Variants in TMEM140 observed in about 807,000 individuals in gnomAD.
TMEM140 encodes the protein transmembrane protein 140.
For missense variants in TMEM140, 236 were observed against 228.5 expected (o/e 1.03, Z -0.21); for synonymous variants, 107 against 106.8 (o/e 1.00, Z -0.01).
chr7:135,152,144 A>C (rs1829679442), intron 1 of TMEM140, among the ~76,000 whole-genome samples: 1 of 152,248 alleles, frequency 6.6e-6, no homozygotes, highest in Non-Finnish European at 1.5e-5. Flanking sequence ...TATATAATTA[A>C]AGCCATTTTA....
chr7:135,163,329 CT>C (rs1200517424), intron 1 of TMEM140, among the ~76,000 whole-genome samples: 1 of 152,096 alleles, frequency 6.6e-6, no homozygotes, highest in Admixed American at 6.5e-5. Flanking sequence ...AAAAGGTTAT[CT>C]TTTTTATTAT....
Position 135,161,924 on chromosome 7 carries a change from G to A in TMEM140, c.-24-2494G>A, listed in dbSNP as rs959924927. ...ACTGCCCAGTGCTGCTGAGTCCAGA[G>A]AAGCGGCATCTGAGGGGAGGCGGTG... On this transcript the variant is annotated intron_variant, in intron 1 of 1. Transcript: ENST00000275767. The surrounding 1 kb of genome is among the most constrained non-coding windows in gnomAD (Gnocchi z 4.1). Among the ~76,000 whole-genome samples, 14 of 152,352 alleles carry A rather than the reference G, an allele frequency of 9.2e-5. No individual in the cohort carries two copies. The South Asian group carries it at 1.5e-3, about 16-fold the overall frequency.
chr7:135,153,016 T>G (rs1048050005), intron 1 of TMEM140: 2 of 151,898 alleles, frequency 1.3e-5, no homozygotes, highest in East Asian at 3.9e-4. Context: ...AAAAAGTGGG[T>G]AAAGGACATA....
chr7:135,156,043 T>C (rs960013185), intron 1 of TMEM140, among the ~76,000 whole-genome samples: 15 of 147,596 alleles, frequency 1.0e-4, no homozygotes, highest in South Asian at 2.2e-4. Context: ...TTTTTTTTTT[T>C]CCCTTTAGCA....
chr7:135,148,387 G>T, intron 1 of TMEM140, 117 bp downstream of exon 1: 1 of 315,048 alleles, frequency 3.2e-6, no homozygotes, highest in South Asian at 2.7e-5. Flanking sequence ...GGAACTCACT[G>T]GTTGTTCAGT....
At chr7:135,150,248 A>G (rs982656748) in intron 1 of TMEM140, among the ~76,000 whole-genome samples, 18 of 152,216 alleles carry the variant, frequency 1.2e-4, no homozygotes, top group Non-Finnish European at 2.6e-4. Flanking sequence ...TCAGGACTCA[A>G]AACAAATATC....
At chr7:135,157,423 G>A (rs1298788094) in intron 1 of TMEM140, among the ~76,000 whole-genome samples, 1 of 152,246 alleles carries the variant, frequency 6.6e-6, no homozygotes, top group Non-Finnish European at 1.5e-5. Context: ...GGACTTGGAT[G>A]CCAACTGAGC....
intron 1 of TMEM140, among the ~76,000 whole-genome samples, chr7:135,153,593 T>C (rs1042371380): frequency 9.2e-5 from 14 of 152,196 alleles, no homozygotes; most frequent in African/African-American, 3.4e-4. Context: ...GTATGGAGAT[T>C]TCTCAAAGAA....
In TMEM140 at chr7:135,164,547, G is replaced by A. The variant is rs2117476269; in HGVS notation, c.106G>A (p.Ala36Thr). The change falls in exon 2 of 2, where the codon GCT becomes ACT. Residue 36 changes from alanine to threonine, a missense_variant. Transcript: ENST00000275767. ...CLMFYALLWEAGNLTDLPNLR... is the reference protein window; with the variant it reads ...CLMFYALLWETGNLTDLPNLR... ...GATGTTTTACGCTCTTCTCTGGGAG[G>A]CTGGCAACCTCACTGACCTGCCCAA... is the stretch of plus-strand genomic sequence containing the variant. 6.2e-7 allele frequency: 1 copy of A among 1,614,198 alleles called. No individual in the cohort carries two copies. Among genetic ancestry groups the A allele is most frequent in the Non-Finnish European group, 8.5e-7 (1 of 1,180,002 alleles).
rs747543546 is a variant in TMEM140, at chr7:135,151,487, T to G, written c.-25+3217T>G. Among the ~76,000 whole-genome samples, 114 of 152,228 alleles carry G rather than the reference T, an allele frequency of 7.5e-4. No individual in the cohort carries two copies. Among genetic ancestry groups the G allele is most frequent in the Non-Finnish European group, 1.4e-3 (97 of 68,042 alleles). ...CCTTGTTCTATGCCCTGGCAAGCTC[T>G]GTTGCCCCGGCTTTATTCTGCTAAC... On this transcript the variant is annotated intron_variant, in intron 1 of 1. Transcript: ENST00000275767. The surrounding 1 kb of genome is among the most constrained non-coding windows in gnomAD (Gnocchi z 4.3).
chr7:135,152,410 T>C (rs913196472), intron 1 of TMEM140, among the ~76,000 whole-genome samples: 1 of 152,266 alleles, frequency 6.6e-6, no homozygotes, highest in African/African-American at 2.4e-5. Flanking sequence ...TGATTAACAA[T>C]GCAGCCTGAC....
At chr7:135,162,802 T>C (rs963790799) in intron 1 of TMEM140, among the ~76,000 whole-genome samples, 1 of 152,172 alleles carries the variant, frequency 6.6e-6, no homozygotes, top group Non-Finnish European at 1.5e-5. Flanking sequence ...AAAATACACA[T>C]ATGTAAAATA....
At chr7:135,160,079 T>C (rs1390720337) in intron 1 of TMEM140, among the ~76,000 whole-genome samples, 3 of 152,228 alleles carry the variant, frequency 2.0e-5, no homozygotes, top group African/African-American at 7.2e-5. Context: ...CTAGTTCACA[T>C]AGAATGATGT....
In TMEM140 at chr7:135,164,447, C is replaced by G; in HGVS notation, c.6C>G (p.Ala2=). ...CCCGGCAGAGGGCAGTAGAGATGGCCGGCCCAAGGCCTCGGTGGCGCGACC... is the reference window on the plus strand; with the variant it reads ...CCCGGCAGAGGGCAGTAGAGATGGCGGGCCCAAGGCCTCGGTGGCGCGACC... M[A]GPRPRWRDQL... Residue 2 remains alanine, a synonymous_variant, in exon 2 of 2, where the codon GCC becomes GCG. Coordinates refer to ENST00000275767, the MANE Select transcript of TMEM140 (RefSeq NM_018295.5). 6.3e-7 allele frequency: 1 copy of G among 1,597,022 alleles called. No individual in the cohort carries two copies.
chr7:135,165,211 G>T lies in TMEM140; in HGVS notation c.*212G>T, dbSNP rs1830063262. 2 of 535,002 alleles carry T rather than the reference G, an allele frequency of 3.7e-6. No homozygotes were observed. Among genetic ancestry groups the T allele is most frequent in the African/African-American group, 1.9e-5 (1 of 52,956 alleles). The allele number at this position is 535,002 out of a possible 1,614,324, so 33.1% of individuals were successfully genotyped here. A position where few individuals can be genotyped will look rare whatever the true frequency, so the allele number is the denominator to read the frequency against. On this transcript the variant is annotated 3_prime_UTR_variant, in exon 2 of 2. Transcript: ENST00000275767. ...TAGTACAAGATTGTCTGTCCTTCAGGACTTCCAAGGCTCCCAAAGACTCCC... is the reference window on the plus strand; with the variant it reads ...TAGTACAAGATTGTCTGTCCTTCAGTACTTCCAAGGCTCCCAAAGACTCCC...
chr7:135,161,599 C>T lies in TMEM140; in HGVS notation c.-24-2819C>T, dbSNP rs1829940303. On this transcript the variant is annotated intron_variant, in intron 1 of 1. Coordinates refer to ENST00000275767, the MANE Select transcript of TMEM140 (RefSeq NM_018295.5). The surrounding 1 kb of genome is among the most constrained non-coding windows in gnomAD (Gnocchi z 4.1). ...AGCAAAACCATACAAAATATGTTCC[C>T]GTCGGCAATTTTTCCCATACCATGG... 6.6e-6 allele frequency among the ~76,000 whole-genome samples: 1 copy of T among 152,224 alleles called. No homozygotes were observed. The highest frequency in any genetic ancestry group is 1.5e-5 in the Non-Finnish European group (1 of 68,028).
chr7:135,152,487 T>C (rs756018567), intron 1 of TMEM140, among the ~76,000 whole-genome samples: 9 of 152,350 alleles, frequency 5.9e-5, no homozygotes, highest in Non-Finnish European at 1.2e-4. Context: ...CCTGTCTTCT[T>C]CTCTGGAAAA....
chr7:135,164,087 CCT>C (rs1355655182), intron 1 of TMEM140, among the ~76,000 whole-genome samples: 1 of 152,220 alleles, frequency 6.6e-6, no homozygotes, highest in Non-Finnish European at 1.5e-5. Flanking sequence ...TGAGAAATCC[CCT>C]CACTAATGTT....
At chr7:135,159,724 A>T (rs895923480) in intron 1 of TMEM140, among the ~76,000 whole-genome samples, 7 of 152,262 alleles carry the variant, frequency 4.6e-5, no homozygotes, top group African/African-American at 1.7e-4. Context: ...CTGAAACTCA[A>T]AATTATTTTT....
Sources: allele counts gnomAD v4.1 joint callset (sites outside exome capture counted in the v4.1 genomes callset), GRCh38; gene constraint gnomAD v4.1.1; non-coding constraint Gnocchi (gnomAD v3.1); transcripts MANE v1.5; gene names NCBI Gene and HGNC (gene_info 2026-07-23, HGNC 2026-07-21).